The following CDC73 variants were observed in gnomAD, a reference collection of about 807,000 sequenced individuals.
The protein encoded by CDC73 is cell division cycle 73.
A neutral mutation model predicts 83.7 loss-of-function variants in CDC73; 21 were observed. That is an observed-to-expected ratio of 0.25 (90% confidence interval 0.18 to 0.36). The LOEUF (loss-of-function observed/expected upper bound fraction) is 0.36, where lower values mean the gene tolerates loss of function less well. Ranked by LOEUF, CDC73 falls within the 10% of genes least tolerant of loss-of-function variation. The pLI is 1.00. For missense variants in CDC73, 342 were observed against 653.3 expected (o/e 0.52, Z 5.19); for synonymous variants, 224 against 212.9 (o/e 1.05, Z -0.45).
At chr1:193,216,933 A>G (rs1009620390) in intron 13 of CDC73, among the ~76,000 whole-genome samples, 2 of 152,208 alleles carry the variant, frequency 1.3e-5, no homozygotes, top group Admixed American at 1.3e-4. Flanking sequence ...TCAAAGGAAC[A>G]TACCTCAAAC....
chr1:193,150,916 A>G (rs1349548970), intron 9 of CDC73, among the ~76,000 whole-genome samples: 1 of 152,202 alleles, frequency 6.6e-6, no homozygotes, highest in East Asian at 1.9e-4. Context: ...GTTTGCTGTT[A>G]TTCATACTGC....
intron 13 of CDC73, among the ~76,000 whole-genome samples, chr1:193,217,812 C>G (rs1677396591): frequency 6.6e-6 from 1 of 152,090 alleles, no homozygotes; most frequent in African/African-American, 2.4e-5. Flanking sequence ...CCAGGCCCTC[C>G]TCTACCCAGC....
At chr1:193,133,840 A>T (rs1045712265) in intron 3 of CDC73, among the ~76,000 whole-genome samples, 2 of 152,214 alleles carry the variant, frequency 1.3e-5, no homozygotes, top group Non-Finnish European at 2.9e-5. Flanking sequence ...AAAGGTGATA[A>T]AATCATGAAA....
chr1:193,204,414 C>G (rs563778163), intron 11 of CDC73, among the ~76,000 whole-genome samples: 1 of 151,434 alleles, frequency 6.6e-6, no homozygotes, highest in Non-Finnish European at 1.5e-5. Flanking sequence ...CTCAGCCTCC[C>G]AAGTAGCTGG....
intron 10 of CDC73, among the ~76,000 whole-genome samples, chr1:193,153,014 C>T (rs1443304772): frequency 6.6e-6 from 1 of 152,024 alleles, no homozygotes; most frequent in African/African-American, 2.4e-5. Flanking sequence ...CGTGATCGCC[C>T]GCCTCAGCCT....
intron 1 of CDC73, among the ~76,000 whole-genome samples, chr1:193,123,832 T>TAAGTGGATGTGAAATGCTTTCTAC (rs1675513717): frequency 1.3e-5 from 2 of 152,338 alleles, no homozygotes; most frequent in African/African-American, 4.8e-5. Context: ...ATGCTTTCTA[T>TAAGTGGATGTGAAATGCTTTCTAC]AAGTTGATGT....
chr1:193,237,327 T>TA (rs981278016), intron 15 of CDC73, among the ~76,000 whole-genome samples: 39 of 151,514 alleles, frequency 2.6e-4, no homozygotes, highest in African/African-American at 5.1e-4. Context: ...TTCATTCATT[T>TA]AAAAAAAAAG....
At chr1:193,231,572 A>C (rs988922527) in intron 13 of CDC73, among the ~76,000 whole-genome samples, 6 of 152,128 alleles carry the variant, frequency 3.9e-5, no homozygotes, top group African/African-American at 1.2e-4. Context: ...TTTCTAAGTG[A>C]GCTTGATTAA....
At position 193,181,467 on chromosome 1, in the gene CDC73, A is replaced by G. The variant is rs1473596953; in HGVS notation, c.973-22328A>G. The G allele has an allele frequency of 1.9e-6, 3 of 1,614,110 alleles. No homozygotes were observed. In the South Asian group the frequency reaches 3.3e-5, roughly 18 times the overall value. ...AAAACATAGCAAAAAGAAACACTAG[A>G]GAAAGTACTCCAATAAGATGAGTGC... On this transcript the variant is annotated intron_variant, in intron 10 of 16. Coordinates refer to ENST00000367435, the MANE Select transcript of CDC73 (RefSeq NM_024529.5).
intron 13 of CDC73, among the ~76,000 whole-genome samples, chr1:193,222,033 A>C (rs1324092292): frequency 6.6e-6 from 1 of 152,176 alleles, no homozygotes; most frequent in African/African-American, 2.4e-5. Context: ...TCAATAAGTA[A>C]ATGAAACAAA....
At chr1:193,243,358 G>A (rs999715746) in intron 15 of CDC73, among the ~76,000 whole-genome samples, 1 of 152,074 alleles carries the variant, frequency 6.6e-6, no homozygotes, top group Non-Finnish European at 1.5e-5. Context: ...TGCTTCATGC[G>A]AATAAAGTAT....
Position 193,129,820 on chromosome 1 carries a change from T to A in CDC73, c.238-354T>A, listed in dbSNP as rs947627461. On this transcript the variant is annotated intron_variant, in intron 2 of 16. Coordinates refer to ENST00000367435, the MANE Select transcript of CDC73 (RefSeq NM_024529.5). ...GAGCCACCGCGCCCAGCCAAGAAAA[T>A]TATTAAAAGTAACATGTTTAATACA... Among the ~76,000 whole-genome samples the A allele has an allele frequency of 6.6e-5, 10 of 152,260 alleles. No homozygotes were observed. The East Asian group carries it at 1.9e-3, about 29-fold the overall frequency.
intron 2 of CDC73, among the ~76,000 whole-genome samples, chr1:193,128,830 CTTG>C (rs1417944596): frequency 6.6e-6 from 1 of 152,062 alleles, no homozygotes. Flanking sequence ...ACTAAAGGTT[CTTG>C]TTGTTACTTC....
At chr1:193,181,279 G>C (rs746284962) in intron 10 of CDC73, 1 of 1,613,960 alleles carries the variant, frequency 6.2e-7, no homozygotes, top group Admixed American at 1.7e-5. Context: ...GTTAGTTGCT[G>C]TTTGAGGCCT....
intron 10 of CDC73, among the ~76,000 whole-genome samples, chr1:193,202,877 A>C (rs535107930): frequency 6.6e-6 from 1 of 152,116 alleles, no homozygotes; most frequent in East Asian, 1.9e-4. Flanking sequence ...TGTAATTATA[A>C]TTAGTATTTA....
chr1:193,232,754 T>A (rs564759814), intron 13 of CDC73, among the ~76,000 whole-genome samples: 17 of 151,618 alleles, frequency 1.1e-4, no homozygotes, highest in African/African-American at 3.9e-4. Context: ...TACAAAAAAA[T>A]TAGCTGGGCG....
In CDC73 at chr1:193,252,055, CTG is replaced by C. The variant is rs766888046; in HGVS notation, c.*1345_*1346del. 3 of 231,218 alleles carry C rather than the reference CTG, an allele frequency of 1.3e-5. No individual in the cohort carries two copies. The highest frequency in any genetic ancestry group is 2.6e-5 in the Non-Finnish European group (3 of 116,860). 14.3% of individuals were successfully genotyped at this position (231,218 alleles called of 1,614,324 possible). A position where few individuals can be genotyped will look rare whatever the true frequency, so the allele number is the denominator to read the frequency against. On this transcript the variant is annotated 3_prime_UTR_variant, in exon 17 of 17. Coordinates refer to ENST00000367435, the MANE Select transcript of CDC73 (RefSeq NM_024529.5). ...TCTAGCTTCTTAATGAAATTTAACA[CTG>C]TCACAAAAATGAGAAGTTATTATTT...
chr1:193,249,120 A>T (rs936694928), intron 15 of CDC73, among the ~76,000 whole-genome samples: 1 of 152,050 alleles, frequency 6.6e-6, no homozygotes, highest in African/African-American at 2.4e-5. Flanking sequence ...TTATTTTCAG[A>T]AATCGCTACA....
intron 10 of CDC73, among the ~76,000 whole-genome samples, chr1:193,167,550 A>G (rs1676452959): frequency 1.3e-5 from 2 of 152,174 alleles, no homozygotes; most frequent in Admixed American, 6.5e-5. Context: ...CTCTGAATAC[A>G]TTTTTGACTG....
Sources: allele counts gnomAD v4.1 joint callset (sites outside exome capture counted in the v4.1 genomes callset), GRCh38; gene constraint gnomAD v4.1.1; transcripts MANE v1.5; gene names NCBI Gene and HGNC (gene_info 2026-07-23, HGNC 2026-07-21).